METTL15: variants seen among roughly 807,000 people sequenced by gnomAD.
METTL15 encodes the protein 12S rRNA N(4)-cytidine methyltransferase METTL15.
METTL15 carries 34 observed loss-of-function variants against 38.3 expected under a neutral mutation model. The ratio of observed to expected loss-of-function variants is 0.89; its 90% CI spans 0.68 to 1.18. The LOEUF is 1.18. METTL15 is among the 50% of genes most tolerant of loss of function. METTL15 has a pLI of 0.00. For synonymous variants in METTL15, 162 were observed against 170.9 expected (o/e 0.95, Z 0.41); for missense variants, 438 against 498.4 (o/e 0.88, Z 1.15).
intron 5 of METTL15, among the ~76,000 whole-genome samples, chr11:28,389,673 A>C (rs1043677766): frequency 6.6e-6 from 1 of 151,682 alleles, no homozygotes; most frequent in Non-Finnish European, 1.5e-5. Context: ...GCTATTGTGA[A>C]TAGTGCCACA....
intron 3 of METTL15, among the ~76,000 whole-genome samples, chr11:28,168,610 C>T (rs529340830): frequency 1.7e-5 from 2 of 114,332 alleles, no homozygotes; most frequent in South Asian, 5.4e-4. Flanking sequence ...AATGCTATCC[C>T]TCCCCCTCCC....
chr11:28,445,635 A>T (rs1315511853), intron 6 of METTL15, among the ~76,000 whole-genome samples: 1 of 152,024 alleles, frequency 6.6e-6, no homozygotes, highest in African/African-American at 2.4e-5. Flanking sequence ...ATTTTTGAAG[A>T]TTATAAACCA....
intron 4 of METTL15, among the ~76,000 whole-genome samples, chr11:28,289,652 T>C (rs539531502): frequency 6.6e-6 from 1 of 152,278 alleles, no homozygotes; most frequent in African/African-American, 2.4e-5. Flanking sequence ...TGAGAGATAA[T>C]ACATTGCTTC....
chr11:28,515,359 G>A (rs1377122243), intron 6 of METTL15, among the ~76,000 whole-genome samples: 2 of 152,092 alleles, frequency 1.3e-5, no homozygotes, highest in African/African-American at 4.8e-5. Context: ...AATTTCAATG[G>A]CCTAATACAA....
At chr11:28,426,601 T>G (rs1413786670) in intron 6 of METTL15, among the ~76,000 whole-genome samples, 2 of 150,772 alleles carry the variant, frequency 1.3e-5, no homozygotes, top group African/African-American at 2.4e-5. Flanking sequence ...TTTTTTTTTT[T>G]TTTTTGACTT....
intron 3 of METTL15, among the ~76,000 whole-genome samples, chr11:28,169,654 C>A (rs1265915500): frequency 1.3e-5 from 2 of 152,054 alleles, no homozygotes; most frequent in Non-Finnish European, 2.9e-5. Flanking sequence ...ATAGTAAACA[C>A]TCCCGTTTCT....
intron 3 of METTL15, among the ~76,000 whole-genome samples, chr11:28,197,253 CT>C (rs1296961224): frequency 1.3e-5 from 2 of 151,620 alleles, no homozygotes; most frequent in African/African-American, 2.4e-5. Context: ...TTTAAAAGAC[CT>C]TCTGTCAACC....
At chr11:28,439,677 G>A (rs1279313171) in intron 6 of METTL15, among the ~76,000 whole-genome samples, 1 of 152,162 alleles carries the variant, frequency 6.6e-6, no homozygotes, top group African/African-American at 2.4e-5. Context: ...AGTCACTGGA[G>A]ATGTGTTGTA....
At chr11:28,382,435 G>A (rs1262305101) in intron 5 of METTL15, among the ~76,000 whole-genome samples, 4 of 152,262 alleles carry the variant, frequency 2.6e-5, no homozygotes, top group South Asian at 2.1e-4. Context: ...CTAGGAAGAT[G>A]GTTGTCTTCC....
At chr11:28,184,127 G>A (rs573106563) in intron 3 of METTL15, among the ~76,000 whole-genome samples, 198 of 151,864 alleles carry the variant, frequency 1.3e-3, no homozygotes, top group Middle Eastern at 3.4e-3. Context: ...TTTTTATTGT[G>A]TCTATTTGAT....
intron 6 of METTL15, chr11:28,328,191 T>C: frequency 6.2e-7 from 1 of 1,602,662 alleles, no homozygotes; most frequent in Non-Finnish European, 8.5e-7. Context: ...TCCTTTTCAG[T>C]TTTGATATGG....
chr11:28,217,460 C>A (rs1852942950), intron 4 of METTL15, among the ~76,000 whole-genome samples: 1 of 151,866 alleles, frequency 6.6e-6, no homozygotes, highest in African/African-American at 2.4e-5. Context: ...GGATATTAGC[C>A]CTTTGTCAGA....
intron 6 of METTL15, among the ~76,000 whole-genome samples, chr11:28,322,872 T>G (rs577722914): frequency 1.3e-5 from 2 of 152,326 alleles, no homozygotes; most frequent in South Asian, 4.1e-4. Flanking sequence ...TCTTATTTAC[T>G]ATTGTGTTTC....
Position 28,110,420 on chromosome 11 carries a change from A to T in METTL15, c.-18+19A>T, listed in dbSNP as rs1247983248. 1 of 152,248 alleles carries T rather than the reference A, an allele frequency of 6.6e-6. No homozygotes were observed. Among genetic ancestry groups the T allele is most frequent in the Non-Finnish European group, 1.5e-5 (1 of 68,088 alleles). The allele number at this position is 152,248 out of a possible 1,614,324, so 9.4% of individuals were successfully genotyped here. On this transcript the variant is annotated intron_variant, in intron 2 of 6. Transcript: ENST00000407364. ...GCTTCAGGTGAGGAGAAGGGGACCG[A>T]GTCCCGGGAACTCGTTTTGGAAACC... is the stretch of plus-strand genomic sequence containing the variant.
chr11:28,463,461 G>A (rs10742195), intron 6 of METTL15, among the ~76,000 whole-genome samples: 79,910 of 151,898 alleles, frequency 0.53, 21,449 homozygotes, highest in East Asian at 0.74. Context: ...TAGAAGATTA[G>A]GAGCAGCAAA....
chr11:28,268,462 A>G (rs1176552292), intron 4 of METTL15, among the ~76,000 whole-genome samples: 2 of 152,042 alleles, frequency 1.3e-5, no homozygotes, highest in Non-Finnish European at 1.5e-5. Flanking sequence ...TTCTGATTGT[A>G]CATTGTGTTT....
intron 5 of METTL15, among the ~76,000 whole-genome samples, chr11:28,408,525 A>G (rs1850696305): frequency 1.3e-5 from 2 of 152,184 alleles, no homozygotes; most frequent in African/African-American, 2.4e-5. Flanking sequence ...TAGTTTTTAA[A>G]TGTATTAATT....
intron 4 of METTL15, among the ~76,000 whole-genome samples, chr11:28,216,303 A>C (rs1160896599): frequency 6.6e-6 from 1 of 152,124 alleles, no homozygotes; most frequent in Admixed American, 6.6e-5. Context: ...TTAATGGAGG[A>C]AATAATCCAA....
chr11:28,394,957 G>A (rs974715276), intron 5 of METTL15, among the ~76,000 whole-genome samples: 2 of 152,094 alleles, frequency 1.3e-5, no homozygotes, highest in Admixed American at 1.3e-4. Flanking sequence ...TGCCACAATG[G>A]CTGATTTCTC....
Sources: allele counts gnomAD v4.1 joint callset (sites outside exome capture counted in the v4.1 genomes callset), GRCh38; gene constraint gnomAD v4.1.1; transcripts MANE v1.5; gene names NCBI Gene and HGNC (gene_info 2026-07-23, HGNC 2026-07-21).